ZNF221: variants seen among roughly 807,000 people sequenced by gnomAD.
The protein encoded by ZNF221 is zinc finger protein 221.
In ZNF221, 10 loss-of-function variants were observed where a neutral mutation model predicts 12.6. The ratio of observed to expected loss-of-function variants is 0.79; its 90% CI spans 0.49 to 1.34. The LOEUF is 1.34. Ranked by LOEUF, ZNF221 falls within the 40% of genes most tolerant of loss-of-function variation. The probability of loss-of-function intolerance (pLI) is 0.00; values close to 1 mark genes in which losing one functional copy is unlikely to be tolerated. For missense variants in ZNF221, 661 were observed against 721.4 expected, an observed-to-expected ratio of 0.92 and a Z score of 0.96; for synonymous variants, 232 against 244.0, an observed-to-expected ratio of 0.95 and a Z score of 0.46.
intron 1 of ZNF221, among the ~76,000 whole-genome samples, chr19:43,958,674 T>C (rs1483708057): frequency 1.3e-5 from 2 of 152,202 alleles, no homozygotes; most frequent in Admixed American, 6.5e-5. Context: ...TGAGAGTCAT[T>C]ATGTAGGCAG....
Position 43,962,733 on chromosome 19 carries a change from T to G in ZNF221, c.7T>G (p.Ser3Ala). MI[S>A]PSLELLHSGL... ...TTCCTGGCACTTTCCAGGCATGATTTCACCTTCACTTGAACTGCTTCATTC... is the reference window on the plus strand; with the variant it reads ...TTCCTGGCACTTTCCAGGCATGATTGCACCTTCACTTGAACTGCTTCATTC... Residue 3 changes from serine to alanine, a missense_variant, in exon 2 of 5, where the codon TCA becomes GCA. Physicochemically the swap from Ser to Ala is moderately conservative, Grantham distance 99 (BLOSUM62 1). Transcript: ENST00000587682. 1.2e-6 allele frequency: 2 copies of G among 1,614,028 alleles called. No individual in the cohort carries two copies. Among genetic ancestry groups the G allele is most frequent in the Non-Finnish European group, 1.7e-6 (2 of 1,179,922 alleles).
chr19:43,959,507 G>A (rs1478709091), intron 1 of ZNF221, among the ~76,000 whole-genome samples: 1 of 152,178 alleles, frequency 6.6e-6, no homozygotes. Flanking sequence ...GGATCCTGGG[G>A]GTGGGTCCGT....
At chr19:43,978,177 GAA>G in the ZNF221 span, among the ~76,000 whole-genome samples, 2 of 11,686 alleles carry the variant, frequency 1.7e-4, no homozygotes, top group East Asian at 0.016. Context: ...CCAACTCTAA[GAA>G]GAAGAGCAAG....
rs866672928 is a variant in ZNF221, at chr19:43,965,790, C to G, written c.302-14C>G. 6.4e-7 allele frequency: 1 copy of G among 1,566,488 alleles called. No homozygotes were observed. Among genetic ancestry groups the G allele is most frequent in the South Asian group, 1.2e-5 (1 of 83,756 alleles). Reference sequence around the variant, plus strand: ...CTTCACTTGCCCACATATATTAATTCTGTGTCTTTTTAGGAGGCAAGATCC... The same window carrying G: ...CTTCACTTGCCCACATATATTAATTGTGTGTCTTTTTAGGAGGCAAGATCC... On this transcript the variant is annotated splice_polypyrimidine_tract_variant and intron_variant, in intron 4 of 4. Transcript: ENST00000587682.
chr19:43,957,619 G>A (rs779343416), intron 1 of ZNF221, among the ~76,000 whole-genome samples: 6 of 152,110 alleles, frequency 3.9e-5, no homozygotes, highest in Admixed American at 2.6e-4. Flanking sequence ...CTTTATCATT[G>A]TTTTTTAAAT....
chr19:43,981,279 T>G, the ZNF221 span, among the ~76,000 whole-genome samples: 1 of 152,242 alleles, frequency 6.6e-6, no homozygotes, highest in Non-Finnish European at 1.5e-5. Context: ...AAAAATGTTG[T>G]AATAACACAT....
intron 1 of ZNF221, chr19:43,961,974 T>C (rs555736793): frequency 6.6e-6 from 1 of 152,380 alleles, no homozygotes; most frequent in Non-Finnish European, 1.5e-5. Context: ...ACTGAAAGGT[T>C]ACTTTTTAAT....
At chr19:43,957,233 C>T (rs542902483) in intron 1 of ZNF221, among the ~76,000 whole-genome samples, 9 of 151,992 alleles carry the variant, frequency 5.9e-5, no homozygotes, top group East Asian at 1.9e-4. Flanking sequence ...CAGGCTGGAG[C>T]GTAGTGGAGC....
At chr19:43,969,507 C>A (rs1220828090), downstream of ZNF221, among the ~76,000 whole-genome samples, 1 of 152,070 alleles carries the variant, frequency 6.6e-6, no homozygotes. Context: ...TACCACCACA[C>A]CTGGCTAATT....
chr19:43,956,339 A>C (rs1974753392), intron 1 of ZNF221, among the ~76,000 whole-genome samples: 1 of 152,236 alleles, frequency 6.6e-6, no homozygotes, highest in Non-Finnish European at 1.5e-5. Context: ...CTAGTCAGAT[A>C]CAATGTCCAT....
Position 43,966,342 on chromosome 19 carries a change from A to T in ZNF221, c.840A>T (p.Lys280Asn), listed in dbSNP as rs1974954683. Residue 280 changes from lysine (K) to asparagine (N), a missense_variant, in exon 5 of 5, where the codon AAA (lysine) becomes AAT (asparagine). Transcript: ENST00000587682. ...NVHCKLHTGE[K>N]PYNCEECGKA... is the part of the protein sequence containing the mutation. ...ATTGCAAATTGCACACAGGAGAGAAACCTTATAATTGTGAGGAATGTGGGA... is the reference window on the plus strand; with the variant it reads ...ATTGCAAATTGCACACAGGAGAGAATCCTTATAATTGTGAGGAATGTGGGA... The T allele has an allele frequency of 6.2e-7, 1 of 1,614,036 alleles. No individual in the cohort carries two copies.
chr19:43,971,208 G>A (rs999712996), downstream of ZNF221, among the ~76,000 whole-genome samples: 1 of 152,190 alleles, frequency 6.6e-6, no homozygotes, highest in Non-Finnish European at 1.5e-5. Flanking sequence ...AGCAAATGCT[G>A]AGAGAATTCA....
At chr19:43,975,867 C>T in the ZNF221 span, among the ~76,000 whole-genome samples, 7 of 152,122 alleles carry the variant, frequency 4.6e-5, no homozygotes, top group African/African-American at 1.7e-4. Context: ...CCTCTGTTCT[C>T]AAGTCGGATT....
intron 1 of ZNF221, among the ~76,000 whole-genome samples, chr19:43,954,912 C>T (rs1310125560): frequency 6.6e-6 from 1 of 152,098 alleles, no homozygotes; most frequent in African/African-American, 2.4e-5. Context: ...AAATTGCTAT[C>T]CCACTGACAT....
downstream of ZNF221, among the ~76,000 whole-genome samples, chr19:43,972,593 A>G (rs1209218569): frequency 2.6e-5 from 4 of 152,038 alleles, no homozygotes; most frequent in Admixed American, 6.5e-5. Flanking sequence ...ACAGAAATAC[A>G]AGCAACCATC....
intron 1 of ZNF221, among the ~76,000 whole-genome samples, chr19:43,955,718 A>T (rs1251686445): frequency 6.6e-6 from 1 of 152,198 alleles, no homozygotes; most frequent in Non-Finnish European, 1.5e-5. Flanking sequence ...CGTGTAATTC[A>T]GTGCATTGAG....
At chr19:43,973,786 T>C in the ZNF221 span, among the ~76,000 whole-genome samples, 7 of 152,100 alleles carry the variant, frequency 4.6e-5, no homozygotes, top group African/African-American at 1.2e-4. Context: ...TGCTCATGGA[T>C]AGGAAGAATC....
At chr19:43,955,916 T>G (rs777268411) in intron 1 of ZNF221, among the ~76,000 whole-genome samples, 4 of 152,202 alleles carry the variant, frequency 2.6e-5, no homozygotes, top group Non-Finnish European at 4.4e-5. Context: ...TTCCATTTTA[T>G]TATGGAACTC....
intron 1 of ZNF221, among the ~76,000 whole-genome samples, chr19:43,958,750 C>T (rs370209093): frequency 1.3e-5 from 2 of 152,266 alleles, no homozygotes; most frequent in South Asian, 4.1e-4. Context: ...TATAGCAATT[C>T]GATAGCAGTG....
Sources: gnomAD v4.1 joint callset for allele counts (sites outside exome capture counted in the v4.1 genomes callset) on GRCh38, gnomAD v4.1.1 for gene constraint, MANE v1.5 for transcripts, NCBI Gene and HGNC (gene_info 2026-07-23, HGNC 2026-07-21) for gene names.